INSYN2B: variants seen among roughly 807,000 people sequenced by gnomAD.
INSYN2B encodes the protein inhibitory synaptic factor family member 2B, also known as protein INSYN2B.
A neutral mutation model predicts 41.2 loss-of-function variants in INSYN2B; 16 were observed. That is an observed-to-expected ratio of 0.39 (90% CI 0.26 to 0.59). INSYN2B has a LOEUF of 0.59. Among genes scored for constraint, INSYN2B ranks in the 20% least tolerant of loss-of-function variants. The pLI is 0.57. For synonymous variants in INSYN2B, 245 were observed against 244.4 expected, an observed-to-expected ratio of 1.00 and a Z score of -0.02; for missense variants, 608 against 646.4, an observed-to-expected ratio of 0.94 and a Z score of 0.64.
At chr5:169,962,444 A>G (rs1254905125) in intron 1 of INSYN2B, among the ~76,000 whole-genome samples, 1 of 152,070 alleles carries the variant, frequency 6.6e-6, no homozygotes, top group Non-Finnish European at 1.5e-5. Flanking sequence ...AAAGAAGAGA[A>G]CCAGATTTGG....
intron 1 of INSYN2B, among the ~76,000 whole-genome samples, chr5:169,912,123 A>G (rs566321638): frequency 8.5e-5 from 13 of 152,242 alleles, no homozygotes; most frequent in African/African-American, 3.1e-4. Context: ...GATACAAGGG[A>G]CCCTGGGTAT....
chr5:169,909,836 C>G (rs971097300), intron 1 of INSYN2B, among the ~76,000 whole-genome samples: 1 of 152,134 alleles, frequency 6.6e-6, no homozygotes, highest in Non-Finnish European at 1.5e-5. Context: ...AGTAGATAAA[C>G]AGTGGGAAAA....
At chr5:169,950,423 A>G (rs1256058936) in intron 1 of INSYN2B, among the ~76,000 whole-genome samples, 1 of 152,338 alleles carries the variant, frequency 6.6e-6, no homozygotes, top group East Asian at 1.9e-4. Context: ...TGGACTTTCA[A>G]ACAACAGAAG....
intron 1 of INSYN2B, among the ~76,000 whole-genome samples, chr5:169,890,877 C>T (rs1773241936): frequency 1.3e-5 from 2 of 152,194 alleles, no homozygotes; most frequent in Admixed American, 6.5e-5. Flanking sequence ...CTCTTGTCCT[C>T]TTTACCATCT....
intron 1 of INSYN2B, among the ~76,000 whole-genome samples, chr5:169,953,617 G>T (rs1366354960): frequency 6.6e-6 from 1 of 152,160 alleles, no homozygotes; most frequent in African/African-American, 2.4e-5. Context: ...CTACAGAGGA[G>T]ACCTCTGTGG....
At chr5:169,866,007 A>G (rs1177587379) in intron 3 of INSYN2B, among the ~76,000 whole-genome samples, 1 of 151,728 alleles carries the variant, frequency 6.6e-6, no homozygotes, top group Non-Finnish European at 1.5e-5. Flanking sequence ...TCTGAGATGG[A>G]AGAGGCAGGG....
chr5:169,883,158 C>T lies in INSYN2B; in HGVS notation c.741G>A (p.Val247=), dbSNP rs1354696107. The part of the protein sequence containing the change: ...DDTRPGDGRR[V]TPLDSEKSTS... ...TGGATTTTTCTGAATCTAGTGGAGTCACCCTTCTCCCATCACCTGGACGTG... is the reference window on the plus strand; with the variant it reads ...TGGATTTTTCTGAATCTAGTGGAGTTACCCTTCTCCCATCACCTGGACGTG... The change falls in exon 2 of 4, where the codon GTG becomes GTA. Residue 247 remains valine (V), a synonymous_variant. Transcript: ENST00000377365. 1.9e-6 allele frequency: 3 copies of T among 1,551,548 alleles called. No individual in the cohort carries two copies. The highest frequency in any genetic ancestry group is 2.6e-6 in the Non-Finnish European group (3 of 1,146,912).
At chr5:169,900,475 G>A (rs976836324) in intron 1 of INSYN2B, among the ~76,000 whole-genome samples, 2 of 152,186 alleles carry the variant, frequency 1.3e-5, no homozygotes, top group African/African-American at 4.8e-5. Flanking sequence ...GCTGGCAGGA[G>A]GCATGGCATG....
chr5:169,910,054 C>T (rs1774508869), intron 1 of INSYN2B, among the ~76,000 whole-genome samples: 1 of 152,120 alleles, frequency 6.6e-6, no homozygotes, highest in Non-Finnish European at 1.5e-5. Flanking sequence ...CATGAGGACA[C>T]TTAATGTTTA....
Position 169,939,699 on chromosome 5 carries a change from G to A in INSYN2B, c.-919+40578C>T, listed in dbSNP as rs546019611. On this transcript the variant is annotated intron_variant, in intron 1 of 3. Coordinates refer to ENST00000377365, the MANE Select transcript of INSYN2B (RefSeq NM_001129891.3). ...GCTCCATTCCGTCATTGACTGAGACGTCATTATGCATGTATATATATGTTT... is the reference window on the plus strand; with the variant it reads ...GCTCCATTCCGTCATTGACTGAGACATCATTATGCATGTATATATATGTTT... Among the ~76,000 whole-genome samples the A allele has an allele frequency of 2.6e-5, 4 of 152,196 alleles. No individual in the cohort carries two copies. The East Asian group carries it at 7.7e-4, about 29-fold the overall frequency.
chr5:169,875,043 AAT>A (rs1428082755), intron 3 of INSYN2B, among the ~76,000 whole-genome samples: 3 of 152,144 alleles, frequency 2.0e-5, no homozygotes, highest in Non-Finnish European at 4.4e-5. Flanking sequence ...GCAGAAAGGT[AAT>A]TCATCTTTCC....
At chr5:169,878,848 G>A (rs1002804710) in intron 3 of INSYN2B, among the ~76,000 whole-genome samples, 14 of 152,190 alleles carry the variant, frequency 9.2e-5, no homozygotes, top group African/African-American at 3.4e-4. Context: ...GGAGTCTACA[G>A]TAGTCAAAAC....
intron 1 of INSYN2B, among the ~76,000 whole-genome samples, chr5:169,903,965 T>C (rs1774118458): frequency 6.6e-6 from 1 of 151,794 alleles, no homozygotes; most frequent in Non-Finnish European, 1.5e-5. Flanking sequence ...CTGGGCGTGG[T>C]CCTGTAATCC....
chr5:169,949,479 A>C (rs1365869226), intron 1 of INSYN2B, among the ~76,000 whole-genome samples: 1 of 152,058 alleles, frequency 6.6e-6, no homozygotes, highest in Admixed American at 6.5e-5. Flanking sequence ...GAATCAATGA[A>C]AAGTGAGAAA....
chr5:169,914,307 A>G (rs1431481497), intron 1 of INSYN2B, among the ~76,000 whole-genome samples: 1 of 152,206 alleles, frequency 6.6e-6, no homozygotes, highest in Non-Finnish European at 1.5e-5. Flanking sequence ...TTCATAACCC[A>G]TATAGATATT....
chr5:169,862,473 G>A lies in INSYN2B; in HGVS notation c.*1800C>T, dbSNP rs1771265816. 6.6e-6 allele frequency among the ~76,000 whole-genome samples: 1 copy of A among 152,086 alleles called. No homozygotes were observed. The highest frequency in any genetic ancestry group is 2.1e-4 in the South Asian group (1 of 4,810). ...CTCTATTCTGTTCTTTTCCATTGCT[G>A]GGGCCAACTGACAGTTGATCGTATG... On this transcript the variant is annotated 3_prime_UTR_variant, in exon 4 of 4. Transcript: ENST00000377365.
At chr5:169,963,489 G>T (rs1055608426) in intron 1 of INSYN2B, among the ~76,000 whole-genome samples, 2 of 152,090 alleles carry the variant, frequency 1.3e-5, no homozygotes, top group African/African-American at 4.8e-5. Flanking sequence ...GGTCACTGCT[G>T]ATATTCTCAT....
chr5:169,976,558 CT>C (rs895351731), intron 1 of INSYN2B, among the ~76,000 whole-genome samples: 42 of 151,978 alleles, frequency 2.8e-4, no homozygotes, highest in Admixed American at 2.6e-3. Context: ...TCATCATATA[CT>C]TTAGAAGTTT....
intron 1 of INSYN2B, among the ~76,000 whole-genome samples, chr5:169,978,592 T>C (rs1777823197): frequency 6.6e-6 from 1 of 152,062 alleles, no homozygotes; most frequent in Non-Finnish European, 1.5e-5. Context: ...CTAATTAATT[T>C]TGATCACACA....
Sources: allele counts gnomAD v4.1 joint callset (sites outside exome capture counted in the v4.1 genomes callset), GRCh38; gene constraint gnomAD v4.1.1; transcripts MANE v1.5; gene names NCBI Gene and HGNC (gene_info 2026-07-23, HGNC 2026-07-21).